RPS6KB1: variants seen among roughly 807,000 people sequenced by gnomAD.
RPS6KB1 encodes the protein ribosomal protein S6 kinase beta-1.
In RPS6KB1, 12 loss-of-function variants were observed where a neutral mutation model predicts 70.2. The ratio of observed to expected loss-of-function variants is 0.17; its 90% CI spans 0.11 to 0.28. The LOEUF (loss-of-function observed/expected upper bound fraction) is 0.28, where lower values mean the gene tolerates loss of function less well. Ranked by LOEUF, RPS6KB1 falls within the 10% of genes least tolerant of loss-of-function variation. The pLI is 1.00. For missense variants in RPS6KB1, 270 were observed against 646.6 expected, an observed-to-expected ratio of 0.42 and a Z score of 6.32; for synonymous variants, 175 against 211.2, an observed-to-expected ratio of 0.83 and a Z score of 1.49.
At chr17:59,932,471 A>G (rs573594878) in intron 7 of RPS6KB1, among the ~76,000 whole-genome samples, 123 of 152,266 alleles carry the variant, frequency 8.1e-4, no homozygotes, top group African/African-American at 2.6e-3. Flanking sequence ...GGTTTTATTA[A>G]TGCTGGGAAA....
chr17:59,939,200 T>C (rs2044435162), intron 12 of RPS6KB1, among the ~76,000 whole-genome samples: 1 of 152,248 alleles, frequency 6.6e-6, no homozygotes, highest in African/African-American at 2.4e-5. Flanking sequence ...TGTGTTTTTT[T>C]CTTTTTTAGT....
chr17:59,944,208 T>C (rs990880743), intron 13 of RPS6KB1, among the ~76,000 whole-genome samples: 3 of 152,178 alleles, frequency 2.0e-5, no homozygotes. Context: ...AGAGCTTTGC[T>C]GAGTCTTATT....
chr17:59,894,392 G>A (rs1013946926), intron 1 of RPS6KB1, among the ~76,000 whole-genome samples: 2 of 152,068 alleles, frequency 1.3e-5, no homozygotes, highest in African/African-American at 4.8e-5. Flanking sequence ...TGGTAGTTTA[G>A]CATCTAAATT....
In RPS6KB1 at chr17:59,912,824, T is replaced by C; in HGVS notation, c.312+20T>C. The C allele has an allele frequency of 1.2e-6, 2 of 1,612,846 alleles. No homozygotes were observed. Among genetic ancestry groups the C allele is most frequent in the East Asian group, 2.2e-5 (1 of 44,818 alleles). ...GGAAAGGTAGGCAATATTTTTGAAA[T>C]GAGAGCTGTTGTCTGTCTTGAATAG... is the stretch of plus-strand genomic sequence containing the variant. On this transcript the variant is annotated intron_variant, in intron 3 of 14. Transcript: ENST00000225577.
chr17:59,924,583 G>A (rs1161650368), intron 4 of RPS6KB1, among the ~76,000 whole-genome samples: 2 of 151,728 alleles, frequency 1.3e-5, no homozygotes, highest in Non-Finnish European at 2.9e-5. Context: ...AACCATTGGG[G>A]TTTTACTCAG....
rs2044161809 is a variant in RPS6KB1 at position 59,935,243 on chromosome 17, A to G, written c.921A>G (p.Lys307=). 1 of 1,612,970 alleles carries G rather than the reference A, an allele frequency of 6.2e-7. No homozygotes were observed. The highest frequency in any genetic ancestry group is 1.6e-4 in the Middle Eastern group (1 of 6,072). The change falls in exon 10 of 15, where the codon AAA becomes AAG. Residue 307 remains lysine (K), a synonymous_variant. Transcript: ENST00000225577. ...AGAAAACAATTGACAAAATCCTCAA[A>G]TGTAAACTCAATTTGCCTCCCTACC... ...NRKKTIDKIL[K]CKLNLPPYLT...
intron 5 of RPS6KB1, among the ~76,000 whole-genome samples, chr17:59,928,084 G>C (rs1039152172): frequency 6.6e-6 from 1 of 151,782 alleles, no homozygotes; most frequent in African/African-American, 2.4e-5. Flanking sequence ...CTTGAACCTG[G>C]GAGACGGAGG....
At position 59,914,711 on chromosome 17, in the gene RPS6KB1, C is replaced by A; in HGVS notation, c.381+8C>A. Reference sequence around the variant, plus strand: ...ATGAAGGTGCTTAAAAAGGTGATTTCCACTCCCCCTTTTTAGTCCTCACAC... The same window carrying A: ...ATGAAGGTGCTTAAAAAGGTGATTTACACTCCCCCTTTTTAGTCCTCACAC... On this transcript the variant is annotated splice_region_variant and intron_variant, in intron 4 of 14. Coordinates refer to ENST00000225577, the MANE Select transcript of RPS6KB1 (RefSeq NM_003161.4). The A allele has an allele frequency of 6.3e-7, 1 of 1,598,378 alleles. No homozygotes were observed. Among genetic ancestry groups the A allele is most frequent in the Admixed American group, 1.7e-5 (1 of 59,196 alleles).
intron 7 of RPS6KB1, among the ~76,000 whole-genome samples, chr17:59,933,939 T>G (rs1451705632): frequency 6.6e-6 from 1 of 152,180 alleles, no homozygotes; most frequent in Non-Finnish European, 1.5e-5. Context: ...TTTCTCTATC[T>G]TTATTTTCTC....
At chr17:59,912,908 A>C in intron 3 of RPS6KB1, 104 bp downstream of exon 3, 1 of 1,295,144 alleles carries the variant, frequency 7.7e-7, no homozygotes, top group Middle Eastern at 1.9e-4. Flanking sequence ...CTATCAGCAA[A>C]GGATGTGATC....
At chr17:59,906,434 G>A (rs1336607510) in intron 1 of RPS6KB1, among the ~76,000 whole-genome samples, 5 of 152,040 alleles carry the variant, frequency 3.3e-5, no homozygotes, top group Admixed American at 6.6e-5. Context: ...GCGCGATCTC[G>A]GCTCACTGCA....
At chr17:59,916,567 T>G (rs1003563553) in intron 4 of RPS6KB1, among the ~76,000 whole-genome samples, 1 of 152,246 alleles carries the variant, frequency 6.6e-6, no homozygotes, top group Non-Finnish European at 1.5e-5. Context: ...TTGATCAGGC[T>G]TATAAGATAA....
chr17:59,947,270 TG>T lies in RPS6KB1; in HGVS notation c.*483del. On this transcript the variant is annotated 3_prime_UTR_variant, in exon 15 of 15. Transcript: ENST00000225577. Reference sequence around the variant, plus strand: ...AAGACAAAAGAAACTTACCAATTGATGTTTTACGTGCAAACAACCTGAATCT... The same window carrying T: ...AAGACAAAAGAAACTTACCAATTGATTTTTACGTGCAAACAACCTGAATCT... The T allele has an allele frequency of 9.8e-7, 1 of 1,018,014 alleles. No individual in the cohort carries two copies. 63.1% of individuals were successfully genotyped at this position (1,018,014 alleles called of 1,614,324 possible).
intron 2 of RPS6KB1, 170 bp from the exon 3 acceptor site, chr17:59,912,514 C>A: frequency 1.8e-6 from 1 of 557,096 alleles, no homozygotes; most frequent in Non-Finnish European, 3.1e-6. Context: ...TCAGGCCACC[C>A]TCCTCTTGAC....
chr17:59,946,739 C>A lies in RPS6KB1; in HGVS notation c.1529C>A (p.Ala510Asp). ...AACTCTGGGCCATACAAAAAACAAG[C>A]TTTTCCCATGATCTCCAAACGGCCA... Reference protein sequence around the residue: ...QPNSGPYKKQAFPMISKRPEH... With the variant: ...QPNSGPYKKQDFPMISKRPEH... The change falls in exon 15 of 15, where the codon GCT (alanine) becomes GAT (aspartate). Residue 510 changes from alanine to aspartate, a missense_variant. This residue lies in a region of RPS6KB1 where 133 missense variants were observed against 314.7 expected (regional missense o/e 0.42). Coordinates refer to ENST00000225577, the MANE Select transcript of RPS6KB1 (RefSeq NM_003161.4). The surrounding 1 kb of genome is among the most constrained non-coding windows in gnomAD (Gnocchi z 4.2). 6.2e-7 allele frequency: 1 copy of A among 1,614,042 alleles called. No individual in the cohort carries two copies. Among genetic ancestry groups the A allele is most frequent in the Non-Finnish European group, 8.5e-7 (1 of 1,179,918 alleles).
chr17:59,913,660 T>C (rs2042777560), intron 3 of RPS6KB1: 2 of 152,318 alleles, frequency 1.3e-5, no homozygotes, highest in South Asian at 2.1e-4. Context: ...AGTATTTGCA[T>C]ATAAGCTACA....
At chr17:59,895,076 A>G (rs932280290) in intron 1 of RPS6KB1, among the ~76,000 whole-genome samples, 1 of 151,622 alleles carries the variant, frequency 6.6e-6, no homozygotes, top group African/African-American at 2.4e-5. Context: ...GCTGGAATGC[A>G]GTGGCGTGAT....
Position 59,946,482 on chromosome 17 carries a change from C to T in RPS6KB1, c.1341-69C>T, listed in dbSNP as rs1487829312. On this transcript the variant is annotated intron_variant, in intron 14 of 14. Coordinates refer to ENST00000225577, the MANE Select transcript of RPS6KB1 (RefSeq NM_003161.4). The surrounding 1 kb of genome is among the most constrained non-coding windows in gnomAD (Gnocchi z 4.2). Reference sequence around the variant, plus strand: ...GTCATGTTACCCCACTCCCTTTAAACGTAAAGGAAATATGTCTTGTTGAGA... The same window carrying T: ...GTCATGTTACCCCACTCCCTTTAAATGTAAAGGAAATATGTCTTGTTGAGA... 1.2e-5 allele frequency: 14 copies of T among 1,182,806 alleles called. No individual in the cohort carries two copies. The highest frequency in any genetic ancestry group is 1.5e-5 in the African/African-American group (1 of 66,002). The allele number at this position is 1,182,806 out of a possible 1,614,324, so 73.3% of individuals were successfully genotyped here.
intron 4 of RPS6KB1, among the ~76,000 whole-genome samples, chr17:59,916,335 G>A (rs567447898): frequency 2.0e-5 from 3 of 152,204 alleles, no homozygotes; most frequent in African/African-American, 7.2e-5. Flanking sequence ...CCTGACCTCG[G>A]GGGATCGGCC....
Sources: gnomAD v4.1 joint callset for allele counts (sites outside exome capture counted in the v4.1 genomes callset) on GRCh38, gnomAD v4.1.1 for gene constraint, gnomAD v4.1.1 regional missense constraint, Gnocchi (gnomAD v3.1) non-coding constraint, MANE v1.5 for transcripts, NCBI Gene and HGNC (gene_info 2026-07-23, HGNC 2026-07-21) for gene names.